The following EEPD1 variants were observed in gnomAD, a reference collection of about 807,000 sequenced individuals.
EEPD1 encodes endonuclease/exonuclease/phosphatase family domain-containing protein 1.
In EEPD1, 17 loss-of-function variants were observed where a neutral mutation model predicts 46.3. That is an observed-to-expected ratio of 0.37 (90% CI 0.25 to 0.55). The LOEUF (loss-of-function observed/expected upper bound fraction) is 0.55. EEPD1 is among the 20% of genes least tolerant of loss of function. The pLI, the probability that EEPD1 is intolerant of heterozygous loss-of-function variation, is 0.83. For missense variants in EEPD1, 673 were observed against 745.6 expected, an observed-to-expected ratio of 0.90 and a Z score of 1.13; for synonymous variants, 313 against 315.6, an observed-to-expected ratio of 0.99 and a Z score of 0.09.
rs983533596 is a variant in EEPD1 at position 36,300,582 on chromosome 7, A to C, written c.*1376A>C. 1.3e-5 allele frequency: 2 copies of C among 152,276 alleles called. No homozygotes were observed. Among genetic ancestry groups the C allele is most frequent in the African/African-American group, 4.8e-5 (2 of 41,470 alleles). The allele number at this position is 152,276 out of a possible 1,614,324, so 9.4% of individuals were successfully genotyped here. On this transcript the variant is annotated 3_prime_UTR_variant, in exon 8 of 8. Transcript: ENST00000242108. The stretch of plus-strand genomic sequence containing the variant: ...AGTATCCCATGGAAGCTGAGGACTT[A>C]TTCCGCTTTCCACACCGAACACTAA...
At chr7:36,276,930 A>G (rs1458070796) in intron 3 of EEPD1, among the ~76,000 whole-genome samples, 1 of 152,258 alleles carries the variant, frequency 6.6e-6, no homozygotes, top group African/African-American at 2.4e-5. Flanking sequence ...ACACTTTGTG[A>G]TGAACACAAA....
chr7:36,195,983 C>T (rs188971417), intron 2 of EEPD1, among the ~76,000 whole-genome samples: 99 of 152,280 alleles, frequency 6.5e-4, no homozygotes, highest in African/African-American at 2.2e-3. Flanking sequence ...GAGTCCACTA[C>T]ACACCTAGAC....
chr7:36,224,764 A>G (rs1033178227), intron 2 of EEPD1, among the ~76,000 whole-genome samples: 1 of 152,234 alleles, frequency 6.6e-6, no homozygotes, highest in Non-Finnish European at 1.5e-5. Context: ...CATGTATAGT[A>G]AACTGAATAA....
chr7:36,197,088 T>A (rs1370271397), intron 2 of EEPD1, among the ~76,000 whole-genome samples: 1 of 132,712 alleles, frequency 7.5e-6, no homozygotes, highest in Non-Finnish European at 1.6e-5. Context: ...GTGAGGAGCG[T>A]CTCTGCCCGG....
chr7:36,193,175 A>G lies in EEPD1; in HGVS notation c.878+37973A>G. Among the ~76,000 whole-genome samples, 1 of 152,186 alleles carries G rather than the reference A, an allele frequency of 6.6e-6. No homozygotes were observed. The highest frequency in any genetic ancestry group is 1.9e-4 in the East Asian group (1 of 5,192). The stretch of plus-strand genomic sequence containing the variant: ...GATTCCGTGGACATTGGCAGCAGGC[A>G]TGCTCACCACATCTTGGGGTGAGTG... On this transcript the variant is annotated intron_variant, in intron 2 of 7. Transcript: ENST00000242108. This position sits in a 1 kb window ranked among gnomAD's most constrained non-coding sequence, Gnocchi z 4.9.
At chr7:36,293,312 C>T (rs574035606) in intron 6 of EEPD1, among the ~76,000 whole-genome samples, 3 of 152,104 alleles carry the variant, frequency 2.0e-5, no homozygotes, top group Non-Finnish European at 2.9e-5. Flanking sequence ...TCGAGGTACC[C>T]GTCCTTTCCA....
rs141136607 is a variant in EEPD1 at position 36,154,966 on chromosome 7, C to T, written c.642C>T (p.Thr214=). 9.1e-5 allele frequency: 147 copies of T among 1,613,766 alleles called. No homozygotes were observed. Among genetic ancestry groups the T allele is most frequent in the Non-Finnish European group, 1.1e-4 (133 of 1,179,968 alleles). ...ACACGAACGGGGGACTGACCTTCACCGCCAAGCCTCACCCGAGCCCCACTT... is the reference window on the plus strand; with the variant it reads ...ACACGAACGGGGGACTGACCTTCACTGCCAAGCCTCACCCGAGCCCCACTT... The part of the protein sequence containing the change: ...STHTNGGLTF[T]AKPHPSPTSL... The change falls in exon 2 of 8, where the codon ACC becomes ACT. Residue 214 remains threonine, a synonymous_variant. Coordinates refer to ENST00000242108, the MANE Select transcript of EEPD1 (RefSeq NM_030636.3). The surrounding 1 kb of genome is among the most constrained non-coding windows in gnomAD (Gnocchi z 4.2).
chr7:36,165,586 A>ATTTATTTATTTATTT (rs1784969546), intron 2 of EEPD1, among the ~76,000 whole-genome samples: 1 of 134,690 alleles, frequency 7.4e-6, no homozygotes, highest in Admixed American at 7.5e-5. Flanking sequence ...CGCCCCAGCT[A>ATTTATTTATTTATTT]ATTTATTTAT....
At position 36,208,954 on chromosome 7, in the gene EEPD1, CTAA is replaced by C. The variant is rs551454179; in HGVS notation, c.879-30030_879-30028del. On this transcript the variant is annotated intron_variant, in intron 2 of 7. Transcript: ENST00000242108. ...AGCTCCTGGGTGATCCCCGTGCACG[CTAA>C]AGCTTGGGAACCTCTCCTGGAGAGG... Among the ~76,000 whole-genome samples, 79 of 152,306 alleles carry C rather than the reference CTAA, an allele frequency of 5.2e-4. 1 individual carries two copies. Among genetic ancestry groups the C allele is most frequent in the East Asian group, 2.3e-3 (12 of 5,176 alleles).
chr7:36,242,469 T>G (rs997760380), intron 3 of EEPD1, among the ~76,000 whole-genome samples: 5 of 152,196 alleles, frequency 3.3e-5, no homozygotes, highest in Non-Finnish European at 5.9e-5. Context: ...TTCATTCCCT[T>G]ATGCTACAGG....
intron 2 of EEPD1, among the ~76,000 whole-genome samples, chr7:36,160,525 G>A (rs1190735899): frequency 1.3e-5 from 2 of 152,038 alleles, no homozygotes; most frequent in African/African-American, 4.8e-5. Flanking sequence ...GAGTTCTAGA[G>A]TGGCGGGTGG....
chr7:36,175,810 A>C (rs1035735427), intron 2 of EEPD1, among the ~76,000 whole-genome samples: 2 of 152,160 alleles, frequency 1.3e-5, no homozygotes, highest in Non-Finnish European at 2.9e-5. Context: ...CGGTGCCACC[A>C]CTGTGGGGAC....
rs140593967 is a variant in EEPD1 at position 36,246,396 on chromosome 7, A to G, written c.930+7360A>G. ...AACATGGAGCTTCAGAATAATACCT[A>G]TCCTATTAGGATATTGTTATGAGAA... On this transcript the variant is annotated intron_variant, in intron 3 of 7. Transcript: ENST00000242108. Among the ~76,000 whole-genome samples the G allele has an allele frequency of 4.5e-4, 69 of 152,348 alleles. 1 individual carries two copies. The East Asian group carries it at 8.9e-3, about 20-fold the overall frequency.
chr7:36,253,559 A>G (rs1347839777), intron 3 of EEPD1, among the ~76,000 whole-genome samples: 1 of 152,094 alleles, frequency 6.6e-6, no homozygotes, highest in Non-Finnish European at 1.5e-5. Flanking sequence ...CTCTCCAATT[A>G]TTATTGAATT....
Position 36,232,534 on chromosome 7 carries a change from G to A in EEPD1, c.879-6451G>A, listed in dbSNP as rs1236025379. On this transcript the variant is annotated intron_variant, in intron 2 of 7. Transcript: ENST00000242108. The stretch of plus-strand genomic sequence containing the variant: ...GTTTTAGTAGTATAAGAATGTCTCT[G>A]GTTTGTTTGTTTTTGCCCCTCCCCC... 2.0e-5 allele frequency among the ~76,000 whole-genome samples: 3 copies of A among 151,218 alleles called. No homozygotes were observed. In the East Asian group the frequency reaches 5.8e-4, roughly 29 times the overall value.
intron 2 of EEPD1, among the ~76,000 whole-genome samples, chr7:36,232,984 TC>T (rs1271978598): frequency 6.6e-6 from 1 of 152,222 alleles, no homozygotes; most frequent in East Asian, 1.9e-4. Context: ...TGAGATCTTT[TC>T]TTTAAGCTGT....
At chr7:36,248,472 G>A (rs1322683349) in intron 3 of EEPD1, among the ~76,000 whole-genome samples, 1 of 149,194 alleles carries the variant, frequency 6.7e-6, no homozygotes, top group East Asian at 2.0e-4. Context: ...CTCCCAAAGT[G>A]CTGGGATTAC....
intron 2 of EEPD1, among the ~76,000 whole-genome samples, chr7:36,235,984 G>A (rs1786429089): frequency 6.6e-6 from 1 of 151,192 alleles, no homozygotes; most frequent in Non-Finnish European, 1.5e-5. Flanking sequence ...GAGTGCAGTG[G>A]CGTGATCTCT....
At chr7:36,204,497 A>G (rs574145879) in intron 2 of EEPD1, among the ~76,000 whole-genome samples, 1 of 152,326 alleles carries the variant, frequency 6.6e-6, no homozygotes, top group South Asian at 2.1e-4. Context: ...ACCCTTTTAC[A>G]GGAAACTCAT....
Sources: gnomAD v4.1 joint callset for allele counts (sites outside exome capture counted in the v4.1 genomes callset) on GRCh38, gnomAD v4.1.1 for gene constraint, Gnocchi (gnomAD v3.1) non-coding constraint, MANE v1.5 for transcripts, NCBI Gene and HGNC (gene_info 2026-07-23, HGNC 2026-07-21) for gene names.